ZFHX3: variants seen among roughly 807,000 people sequenced by gnomAD.
ZFHX3 encodes the protein zinc finger homeobox 3, also known as zinc finger homeobox protein 3.
Under a neutral mutation model 279.1 loss-of-function variants are expected in ZFHX3, and 42 were observed. That is an observed-to-expected ratio of 0.15 (90% CI 0.12 to 0.19). The LOEUF is 0.19. Among genes scored for constraint, ZFHX3 ranks in the 10% least tolerant of loss-of-function variants. The probability of loss-of-function intolerance (pLI) is 1.00; values close to 1 mark genes in which losing one functional copy is unlikely to be tolerated. For synonymous variants in ZFHX3, 2,293 were observed against 1,957.8 expected, an observed-to-expected ratio of 1.17 and a Z score of -4.52; for missense variants, 4,981 against 4,754.0, an observed-to-expected ratio of 1.05 and a Z score of -1.40.
chr16:73,530,040 AGAGACATAGCT>A (rs1253526048), intron 2 of ZFHX3, among the ~76,000 whole-genome samples: 2 of 152,170 alleles, frequency 1.3e-5, no homozygotes, highest in Admixed American at 6.5e-5. Flanking sequence ...CGCTGCTGAT[AGAGACATAGCT>A]GAGACTGGGT....
At chr16:72,945,118 G>A (rs1960601737) in intron 3 of ZFHX3, among the ~76,000 whole-genome samples, 1 of 152,162 alleles carries the variant, frequency 6.6e-6, no homozygotes, top group South Asian at 2.1e-4. Flanking sequence ...GCCATCGGCT[G>A]AGAGTGTGAA....
chr16:73,086,552 A>G (rs1486772668), intron 8 of ZFHX3, among the ~76,000 whole-genome samples: 1 of 152,226 alleles, frequency 6.6e-6, no homozygotes, highest in African/African-American at 2.4e-5. Context: ...AAATCCTGTC[A>G]TTTGAAGCAA....
At chr16:73,558,290 C>A (rs897420801) in intron 2 of ZFHX3, 3 of 152,104 alleles carry the variant, frequency 2.0e-5, no homozygotes. Context: ...CAGGTTTTTT[C>A]AAGAGAGAAA....
chr16:73,099,526 C>A (rs1249736496), intron 7 of ZFHX3, among the ~76,000 whole-genome samples: 2 of 151,868 alleles, frequency 1.3e-5, no homozygotes, highest in Non-Finnish European at 2.9e-5. Flanking sequence ...GCCTGGCCAA[C>A]ATGGTGAAAC....
At chr16:73,432,113 T>C (rs2017921113) in intron 3 of ZFHX3, among the ~76,000 whole-genome samples, 1 of 152,218 alleles carries the variant, frequency 6.6e-6, no homozygotes, top group South Asian at 2.1e-4. Context: ...TGAAGATTTC[T>C]GTCTAAGCAC....
At chr16:73,293,140 C>T (rs1005054985) in intron 4 of ZFHX3, among the ~76,000 whole-genome samples, 4 of 152,066 alleles carry the variant, frequency 2.6e-5, no homozygotes, top group African/African-American at 7.2e-5. Context: ...CACAGGTTTG[C>T]GTGAGGAGAT....
intron 3 of ZFHX3, among the ~76,000 whole-genome samples, chr16:72,930,569 C>T (rs1037945998): frequency 6.6e-6 from 1 of 152,052 alleles, no homozygotes; most frequent in African/African-American, 2.4e-5. Context: ...GGCAAGGATG[C>T]TTCAGAAATT....
intron 4 of ZFHX3, among the ~76,000 whole-genome samples, chr16:72,852,707 A>T (rs1024444607): frequency 1.3e-5 from 2 of 152,200 alleles, no homozygotes; most frequent in Non-Finnish European, 2.9e-5. Flanking sequence ...TTAAAAAAAG[A>T]GGGAGAGGGG....
intron 2 of ZFHX3, among the ~76,000 whole-genome samples, chr16:73,494,232 A>G (rs1415437537): frequency 6.6e-6 from 1 of 152,212 alleles, no homozygotes; most frequent in Non-Finnish European, 1.5e-5. Context: ...TAATGTCTAC[A>G]TCAATACGGA....
chr16:73,759,616 A>G (rs1249056990), intron 1 of ZFHX3, among the ~76,000 whole-genome samples: 1 of 152,040 alleles, frequency 6.6e-6, no homozygotes, highest in East Asian at 1.9e-4. Context: ...GGTGAGATAA[A>G]CTCTTTAAGG....
At chr16:73,801,196 C>T (rs528263728) in intron 1 of ZFHX3, among the ~76,000 whole-genome samples, 1 of 152,246 alleles carries the variant, frequency 6.6e-6, no homozygotes, top group Non-Finnish European at 1.5e-5. Flanking sequence ...TCATCGGCTG[C>T]CTTTTTTATC....
chr16:73,578,729 T>G (rs1017805051), intron 2 of ZFHX3, among the ~76,000 whole-genome samples: 3 of 152,216 alleles, frequency 2.0e-5, no homozygotes, highest in Non-Finnish European at 4.4e-5. Context: ...TATTTTTATT[T>G]TTTTTATGAA....
At chr16:72,909,388 T>C (rs1450559627) in intron 3 of ZFHX3, among the ~76,000 whole-genome samples, 1 of 152,142 alleles carries the variant, frequency 6.6e-6, no homozygotes, top group Non-Finnish European at 1.5e-5. Context: ...TGGAGACAAA[T>C]GGCTGGCTGT....
intron 1 of ZFHX3, among the ~76,000 whole-genome samples, chr16:73,863,360 T>A (rs888086830): frequency 1.7e-4 from 26 of 151,980 alleles, no homozygotes; most frequent in African/African-American, 6.3e-4. Context: ...TGGAGGGTGA[T>A]CCAGAAGGGA....
At chr16:72,902,058 T>C (rs1347709388) in intron 3 of ZFHX3, among the ~76,000 whole-genome samples, 1 of 152,226 alleles carries the variant, frequency 6.6e-6, no homozygotes, top group Non-Finnish European at 1.5e-5. Context: ...AATGCAATAA[T>C]TATTGAATTT....
intron 4 of ZFHX3, among the ~76,000 whole-genome samples, chr16:73,284,930 T>A (rs2014555607): frequency 6.6e-6 from 1 of 152,196 alleles, no homozygotes; most frequent in South Asian, 2.1e-4. Flanking sequence ...AACCTTTAAC[T>A]CCTGTGCTCA....
At chr16:73,268,877 G>T (rs2014061248) in intron 4 of ZFHX3, among the ~76,000 whole-genome samples, 1 of 152,152 alleles carries the variant, frequency 6.6e-6, no homozygotes, top group South Asian at 2.1e-4. Flanking sequence ...GCTATTTACT[G>T]TGGGCAACTG....
chr16:73,620,291 G>C (rs1172036359), intron 2 of ZFHX3, among the ~76,000 whole-genome samples: 1 of 152,194 alleles, frequency 6.6e-6, no homozygotes, highest in Non-Finnish European at 1.5e-5. Flanking sequence ...TGTTTCTCAG[G>C]TTGAGACTTA....
chr16:72,797,567 T>C lies in ZFHX3; in HGVS notation c.5115A>G (p.Ser1705=), dbSNP rs1278809730. The change falls in exon 9 of 10, where the codon TCA becomes TCG. Residue 1705 remains serine (S), a synonymous_variant. Coordinates refer to ENST00000268489, the MANE Select transcript of ZFHX3 (RefSeq NM_006885.4). Reference sequence around the variant, plus strand: ...TCTTCCGATTGGCCTCTTTGGGCTCTGAAGGGGAAGCAATGTTGGCACCAA... The same window carrying C: ...TCTTCCGATTGGCCTCTTTGGGCTCCGAAGGGGAAGCAATGTTGGCACCAA... ...NPIGANIASP[S]EPKEANRKKL... 6.2e-7 allele frequency: 1 copy of C among 1,614,168 alleles called. No homozygotes were observed. Among genetic ancestry groups the C allele is most frequent in the African/African-American group, 1.3e-5 (1 of 75,052 alleles).
Sources: allele counts gnomAD v4.1 joint callset (sites outside exome capture counted in the v4.1 genomes callset), GRCh38; gene constraint gnomAD v4.1.1; transcripts MANE v1.5; gene names NCBI Gene and HGNC (gene_info 2026-07-23, HGNC 2026-07-21).